Variants in DGAT1 observed in about 807,000 individuals in gnomAD.
The protein encoded by DGAT1 is ACAT related gene product 1.
DGAT1 carries 60 observed loss-of-function variants against 72.6 expected under a neutral mutation model. The observed-to-expected ratio is 0.83, with a 90% CI of 0.67 to 1.02. The LOEUF is 1.02. Ranked by LOEUF, DGAT1 falls within the 50% of genes least tolerant of loss-of-function variation. DGAT1 has a pLI of 0.00. For synonymous variants in DGAT1, 290 were observed against 267.5 expected (o/e 1.08, Z -0.82); for missense variants, 592 against 670.0 (o/e 0.88, Z 1.29).
In DGAT1 at chr8:144,325,298, C is replaced by G. The variant is rs1817570886; in HGVS notation, c.200+1139G>C. Among the ~76,000 whole-genome samples, 2 of 152,108 alleles carry G rather than the reference C, an allele frequency of 1.3e-5. 1 individual carries two copies. Among genetic ancestry groups the G allele is most frequent in the African/African-American group, 4.8e-5 (2 of 41,422 alleles). ...CCCCTTCAAGGCCTCCGTGCCCGAC[C>G]TTTGTCCATGTTGCTCCATGCCTGA... On this transcript the variant is annotated intron_variant, in intron 1 of 16. Transcript: ENST00000528718.
At position 144,314,803 on chromosome 8, in the gene DGAT1, C is replaced by T. The variant is rs1451649605; in HGVS notation, c.*1751G>A. ...AGGAGGGGCCCAGGGCACAGAAGGG[C>T]CGGGCTGCAGTGGCCTCCTGGGGGA... is the stretch of plus-strand genomic sequence containing the variant. On this transcript the variant is annotated 3_prime_UTR_variant, in exon 17 of 17. Transcript: ENST00000528718. 4.5e-6 allele frequency: 3 copies of T among 662,064 alleles called. No homozygotes were observed. Among genetic ancestry groups the T allele is most frequent in the African/African-American group, 2.0e-5 (1 of 51,018 alleles). 41.0% of individuals were successfully genotyped at this position (662,064 alleles called of 1,614,324 possible).
At position 144,319,423 on chromosome 8, in the gene DGAT1, A is replaced by G. The variant is rs1817381049; in HGVS notation, c.289-355T>C. Among the ~76,000 whole-genome samples, 2 of 152,206 alleles carry G rather than the reference A, an allele frequency of 1.3e-5. 1 individual carries two copies. The highest frequency in any genetic ancestry group is 4.1e-4 in the South Asian group (2 of 4,834). On this transcript the variant is annotated intron_variant, in intron 2 of 16. Coordinates refer to ENST00000528718, the MANE Select transcript of DGAT1 (RefSeq NM_012079.6). ...TCCCTCCTGCTGAGCCGAGCCAGTG[A>G]GGGACCCAAGGCTCCCACAGCCAAC...
chr8:144,323,226 C>T (rs961295579), intron 1 of DGAT1, among the ~76,000 whole-genome samples: 25 of 152,286 alleles, frequency 1.6e-4, no homozygotes, highest in African/African-American at 5.8e-4. Context: ...TTATCCATGC[C>T]CATCTCCAAG....
Position 144,316,430 on chromosome 8 carries a change from C to T in DGAT1, c.*124G>A, listed in dbSNP as rs556372415. 4 of 1,278,506 alleles carry T rather than the reference C, an allele frequency of 3.1e-6. No individual in the cohort carries two copies. The African/African-American group carries it at 4.5e-5, about 14-fold the overall frequency. The allele number at this position is 1,278,506 out of a possible 1,614,324, so 79.2% of individuals were successfully genotyped here. ...GAGCCCCATAGGGGCAGAGAGGCCT[C>T]CCTGGGACCAGAGGAGGATGCTGTG... On this transcript the variant is annotated 3_prime_UTR_variant, in exon 17 of 17. Transcript: ENST00000528718.
chr8:144,315,415 C>G lies in DGAT1; in HGVS notation c.*1139G>C. ...AGTTCAGCAGGTTGCTGATGAGGCC[C>G]CTGGTGCAGTCCTGGGACCCTGTGC... On this transcript the variant is annotated 3_prime_UTR_variant, in exon 17 of 17. Transcript: ENST00000528718. The G allele has an allele frequency of 2.0e-6, 2 of 985,518 alleles. No individual in the cohort carries two copies. The highest frequency in any genetic ancestry group is 2.4e-6 in the Non-Finnish European group (2 of 829,972). The allele number at this position is 985,518 out of a possible 1,614,324, so 61.0% of individuals were successfully genotyped here. A position where few individuals can be genotyped will look rare whatever the true frequency, so the allele number is the denominator to read the frequency against.
chr8:144,318,980 G>T, intron 3 of DGAT1, 48 bp downstream of exon 3: 2 of 1,558,654 alleles, frequency 1.3e-6, no homozygotes, highest in Non-Finnish European at 1.7e-6. Context: ...GGCGGGGCCT[G>T]GACAGGCCAT....
chr8:144,318,004 G>A lies in DGAT1; in HGVS notation c.765C>T (p.Phe255=), dbSNP rs543812582. The A allele has an allele frequency of 3.3e-6, 5 of 1,518,706 alleles. No homozygotes were observed. The African/African-American group carries it at 7.0e-5, about 21-fold the overall frequency. The allele number at this position is 1,518,706 out of a possible 1,614,324, so 94.1% of individuals were successfully genotyped here. A position where few individuals can be genotyped will look rare whatever the true frequency, so the allele number is the denominator to read the frequency against. ...CGTAGCACAAGGTGGGGGCGAAGAG[G>A]AAGTAGTAGAGATCTGGAATGGGAA... ...DNLTYRDLYY[F]LFAPTLCYEL... Residue 255 remains phenylalanine, a synonymous_variant, in exon 9 of 17, where the codon TTC becomes TTT. Transcript: ENST00000528718.
chr8:144,317,325 A>AC lies in DGAT1; in HGVS notation c.1094+7dup. ...CCCAGCCCCCAGGGACACCCCAGGG[A>AC]CACTCACCACCAGTCCCGGTAGAAC... On this transcript the variant is annotated splice_region_variant and intron_variant, in intron 13 of 16. Coordinates refer to ENST00000528718, the MANE Select transcript of DGAT1 (RefSeq NM_012079.6). 2 of 1,613,564 alleles carry AC rather than the reference A, an allele frequency of 1.2e-6. No individual in the cohort carries two copies. The highest frequency in any genetic ancestry group is 1.7e-6 in the Non-Finnish European group (2 of 1,179,802).
At chr8:144,321,568 CAAG>C (rs1473035323) in intron 1 of DGAT1, among the ~76,000 whole-genome samples, 160 bp from the exon 2 acceptor site, 1 of 152,218 alleles carries the variant, frequency 6.6e-6, no homozygotes, top group Non-Finnish European at 1.5e-5. Context: ...ACTGTGGCCT[CAAG>C]ACCTACAGTG....
rs1817136738 is a variant in DGAT1, at chr8:144,314,928, T to C, written c.*1626A>G. 1.0e-6 allele frequency: 1 copy of C among 986,062 alleles called. No homozygotes were observed. Among genetic ancestry groups the C allele is most frequent in the Admixed American group, 6.1e-5 (1 of 16,392 alleles). The allele number at this position is 986,062 out of a possible 1,614,324, so 61.1% of individuals were successfully genotyped here. ...GGGACCAGGGGTGGGCGCCTCACCT[T>C]GGCCCTGGGGGTCTCTGGTTGTCAC... On this transcript the variant is annotated 3_prime_UTR_variant, in exon 17 of 17. Coordinates refer to ENST00000528718, the MANE Select transcript of DGAT1 (RefSeq NM_012079.6).
chr8:144,324,725 T>G (rs1018305526), intron 1 of DGAT1, among the ~76,000 whole-genome samples: 23 of 152,094 alleles, frequency 1.5e-4, no homozygotes, highest in East Asian at 1.2e-3. Flanking sequence ...TACCCCCAGG[T>G]GGCGGCTTGG....
Position 144,317,386 on chromosome 8 carries a change from A to T in DGAT1, c.1041T>A (p.Asn347Lys). ...CAAACTGCATGAGCTCAGCCACGGCATTCAGGCAGGAGTGGAAGAGCCAGT... is the reference window on the plus strand; with the variant it reads ...CAAACTGCATGAGCTCAGCCACGGCTTTCAGGCAGGAGTGGAAGAGCCAGT... Reference protein sequence around the residue: ...FFYWLFHSCLNAVAELMQFGD... With the variant: ...FFYWLFHSCLKAVAELMQFGD... Residue 347 changes from asparagine to lysine, a missense_variant, in exon 13 of 17, where the codon AAT (asparagine) becomes AAA (lysine). Asn to Lys is a moderately conservative substitution (Grantham distance 94). Coordinates refer to ENST00000528718, the MANE Select transcript of DGAT1 (RefSeq NM_012079.6). The T allele has an allele frequency of 6.2e-7, 1 of 1,613,872 alleles. No homozygotes were observed. The highest frequency in any genetic ancestry group is 8.5e-7 in the Non-Finnish European group (1 of 1,179,978).
intron 9 of DGAT1, 44 bp from the exon 10 acceptor site, chr8:144,317,866 C>T (rs1817300174): frequency 3.8e-6 from 6 of 1,586,630 alleles, no homozygotes; most frequent in Middle Eastern, 1.7e-4. Flanking sequence ...CCTGGCTAGC[C>T]AGAAGGCCCC....
rs868942419 is a variant in DGAT1, at chr8:144,316,673, C to T, written c.1348G>A (p.Gly450Ser). The T allele has an allele frequency of 1.2e-6, 2 of 1,612,078 alleles. No homozygotes were observed. Among genetic ancestry groups the T allele is most frequent in the African/African-American group, 2.7e-5 (2 of 74,922 alleles). ...LAWFVGRFFQ[G>S]NYGNAAVWLS... ...CACACAGCTGCGTTGCCATAGTTGC[C>T]CTGGAAAAAGCGGCCCACGAACCAG... Residue 450 changes from glycine to serine, a missense_variant, in exon 17 of 17, where the codon GGC becomes AGC. Physicochemically the swap from Gly to Ser is moderately conservative, Grantham distance 56. Transcript: ENST00000528718.
chr8:144,316,488 GGAGGA>G lies in DGAT1; in HGVS notation c.*61_*65del. 6.6e-7 allele frequency: 1 copy of G among 1,507,630 alleles called. No individual in the cohort carries two copies. Among genetic ancestry groups the G allele is most frequent in the African/African-American group, 1.4e-5 (1 of 72,630 alleles). The allele number at this position is 1,507,630 out of a possible 1,614,324, so 93.4% of individuals were successfully genotyped here. A position where few individuals can be genotyped will look rare whatever the true frequency, so the allele number is the denominator to read the frequency against. ...GCCCATCCCCAGCACTCGAGGCCTA[GGAGGA>G]GAGGTGGGCTCTGGCAGCGGGTGTG... On this transcript the variant is annotated 3_prime_UTR_variant, in exon 17 of 17. Coordinates refer to ENST00000528718, the MANE Select transcript of DGAT1 (RefSeq NM_012079.6).
rs2130498221 is a variant in DGAT1, at chr8:144,314,908, C to T, written c.*1646G>A. Reference sequence around the variant, plus strand: ...TGCTTGCAGTTCTTTATTGAGGGACCAGGGGTGGGCGCCTCACCTTGGCCC... The same window carrying T: ...TGCTTGCAGTTCTTTATTGAGGGACTAGGGGTGGGCGCCTCACCTTGGCCC... On this transcript the variant is annotated 3_prime_UTR_variant, in exon 17 of 17. Transcript: ENST00000528718. 10 of 986,648 alleles carry T rather than the reference C, an allele frequency of 1.0e-5. No homozygotes were observed. The highest frequency in any genetic ancestry group is 1.2e-5 in the Non-Finnish European group (10 of 830,766). 61.1% of individuals were successfully genotyped at this position (986,648 alleles called of 1,614,324 possible). A position where few individuals can be genotyped will look rare whatever the true frequency, so the allele number is the denominator to read the frequency against.
In DGAT1 at chr8:144,326,486, G is replaced by T; in HGVS notation, c.151C>A (p.Pro51Thr). 1 of 1,315,244 alleles carries T rather than the reference G, an allele frequency of 7.6e-7. No individual in the cohort carries two copies. 81.5% of individuals were successfully genotyped at this position (1,315,244 alleles called of 1,614,324 possible). The change falls in exon 1 of 17, where the codon CCC becomes ACC. Residue 51 changes from proline (P) to threonine (T), a missense_variant. Transcript: ENST00000528718. ...ACGCCGGCGTCTCCGTCCTTGTTGGGGGCCGGGGCTGGCGCGTCCCCCGCG... is the reference window on the plus strand; with the variant it reads ...ACGCCGGCGTCTCCGTCCTTGTTGGTGGCCGGGGCTGGCGCGTCCCCCGCG... ...GAAGDAPAPA[P>T]NKDGDAGVGS...
At chr8:144,320,801 G>A (rs1269523130) in intron 2 of DGAT1, among the ~76,000 whole-genome samples, 4 of 152,096 alleles carry the variant, frequency 2.6e-5, no homozygotes, top group East Asian at 1.9e-4. Context: ...CAGGAGGACT[G>A]CAGAGTGGTG....
At chr8:144,320,379 C>CT (rs1817414582) in intron 2 of DGAT1, among the ~76,000 whole-genome samples, 1 of 152,218 alleles carries the variant, frequency 6.6e-6, no homozygotes, top group African/African-American at 2.4e-5. Context: ...GCCTGGCCAG[C>CT]TTCTCAGCCA....
Sources: allele counts gnomAD v4.1 joint callset (sites outside exome capture counted in the v4.1 genomes callset), GRCh38; gene constraint gnomAD v4.1.1; transcripts MANE v1.5; gene names NCBI Gene and HGNC (gene_info 2026-07-23, HGNC 2026-07-21).